The following COL10A1 variants were observed in gnomAD, a reference collection of about 807,000 sequenced individuals.
The protein encoded by COL10A1 is collagen alpha-1(X) chain.
Under a neutral mutation model 18.2 loss-of-function variants are expected in COL10A1, and 10 were observed. The ratio of observed to expected loss-of-function variants is 0.55; its 90% CI spans 0.34 to 0.93. COL10A1 has a LOEUF of 0.93. COL10A1 is among the 40% of genes least tolerant of loss of function. COL10A1 has a pLI of 0.02. For synonymous variants in COL10A1, 330 were observed against 316.6 expected, an observed-to-expected ratio of 1.04 and a Z score of -0.45; for missense variants, 897 against 853.5, an observed-to-expected ratio of 1.05 and a Z score of -0.64.
At chr6:116,200,389 G>A in the COL10A1 span, among the ~76,000 whole-genome samples, 1 of 151,968 alleles carries the variant, frequency 6.6e-6, no homozygotes, top group Non-Finnish European at 1.5e-5. Context: ...TCTAAATGAA[G>A]TGAGGACTTT....
chr6:116,185,014 C>G, the COL10A1 span, among the ~76,000 whole-genome samples: 1 of 151,822 alleles, frequency 6.6e-6, no homozygotes, highest in South Asian at 2.1e-4. Flanking sequence ...GTGAACTTCC[C>G]TCTTAGCACT....
the COL10A1 span, among the ~76,000 whole-genome samples, chr6:116,215,429 G>A: frequency 1.3e-5 from 2 of 152,136 alleles, no homozygotes; most frequent in Non-Finnish European, 2.9e-5. Flanking sequence ...GTATGGCTGA[G>A]CTTTCAACCT....
the COL10A1 span, among the ~76,000 whole-genome samples, chr6:116,215,782 G>T: frequency 2.0e-5 from 3 of 152,078 alleles, no homozygotes; most frequent in Non-Finnish European, 4.4e-5. Flanking sequence ...AATATGGCGT[G>T]GTGGGATTGT....
chr6:116,177,197 C>T, the COL10A1 span, among the ~76,000 whole-genome samples: 1 of 152,288 alleles, frequency 6.6e-6, no homozygotes, highest in African/African-American at 2.4e-5. Context: ...AACAAATTCT[C>T]AATACAAATA....
At chr6:116,182,800 G>A in the COL10A1 span, among the ~76,000 whole-genome samples, 3 of 152,024 alleles carry the variant, frequency 2.0e-5, no homozygotes, top group Admixed American at 1.3e-4. Context: ...TTTGTTGGAT[G>A]TATAGATTGT....
At chr6:116,135,677 T>C (rs1339966976) in intron 1 of COL10A1, among the ~76,000 whole-genome samples, 1 of 151,348 alleles carries the variant, frequency 6.6e-6, no homozygotes, top group Non-Finnish European at 1.5e-5. Flanking sequence ...TTTCCTGATA[T>C]ATATGCTGCT....
upstream of COL10A1, among the ~76,000 whole-genome samples, chr6:116,127,887 A>G (rs886208698): frequency 3.3e-5 from 5 of 152,120 alleles, no homozygotes; most frequent in African/African-American, 7.2e-5. Context: ...ATCTGTGGCT[A>G]TTGCAACAAT....
At chr6:116,126,449 G>A (rs145880900), upstream of COL10A1, among the ~76,000 whole-genome samples, 628 of 152,144 alleles carry the variant, frequency 4.1e-3, 4 homozygotes, top group African/African-American at 0.014. Flanking sequence ...TTTTTGAAAA[G>A]CACATTCTTA....
At chr6:116,198,262 A>G in the COL10A1 span, among the ~76,000 whole-genome samples, 8 of 152,046 alleles carry the variant, frequency 5.3e-5, no homozygotes, top group African/African-American at 1.7e-4. Flanking sequence ...CCACGTAACT[A>G]TTCCACACAG....
At chr6:116,166,738 A>C in the COL10A1 span, among the ~76,000 whole-genome samples, 1 of 152,232 alleles carries the variant, frequency 6.6e-6, no homozygotes, top group African/African-American at 2.4e-5. Context: ...AAAGTTTCAG[A>C]GACTTTTCAT....
chr6:116,184,064 G>C, the COL10A1 span, among the ~76,000 whole-genome samples: 1 of 151,970 alleles, frequency 6.6e-6, no homozygotes, highest in Admixed American at 6.6e-5. Context: ...ATTACCTTGA[G>C]GTATGTCCCT....
chr6:116,132,216 A>G (rs1423770841), intron 1 of COL10A1, among the ~76,000 whole-genome samples: 3 of 152,176 alleles, frequency 2.0e-5, no homozygotes, highest in Non-Finnish European at 4.4e-5. Context: ...TCCCCTCAGC[A>G]TCACCAACAG....
At chr6:116,214,752 A>C in the COL10A1 span, among the ~76,000 whole-genome samples, 1 of 152,144 alleles carries the variant, frequency 6.6e-6, no homozygotes, top group Non-Finnish European at 1.5e-5. Flanking sequence ...ACACTGTGGA[A>C]ATGGGTGTTC....
At chr6:116,139,065 C>G (rs1246751258) in intron 1 of COL10A1, among the ~76,000 whole-genome samples, 1 of 151,774 alleles carries the variant, frequency 6.6e-6, no homozygotes, top group Non-Finnish European at 1.5e-5. Context: ...AATAGTGCAA[C>G]TACAAAAAAA....
rs1562124023 is a variant in COL10A1 at position 116,121,253 on chromosome 6, C to G, written c.863G>C (p.Gly288Ala). 5 of 1,613,896 alleles carry G rather than the reference C, an allele frequency of 3.1e-6. No homozygotes were observed. Among genetic ancestry groups the G allele is most frequent in the South Asian group, 1.1e-5 (1 of 91,052 alleles). The change falls in exon 3 of 3, where the codon GGA (glycine) becomes GCA (alanine). Residue 288 changes from glycine to alanine, a missense_variant. Coordinates refer to ENST00000651968, the MANE Select transcript of COL10A1 (RefSeq NM_000493.4). ...AGGAGGCCCTGGGGGCCCAGCTATT[C>G]CTGGAGCCCCAGGGAGACCTTTTGT... is the stretch of plus-strand genomic sequence containing the variant. ...PGTKGLPGAP[G>A]IAGPPGPPGF...
At chr6:116,141,164 A>T (rs1237170144) in intron 1 of COL10A1, among the ~76,000 whole-genome samples, 1 of 152,040 alleles carries the variant, frequency 6.6e-6, no homozygotes, top group African/African-American at 2.4e-5. Context: ...TATGATACTG[A>T]TTCGAATGAT....
chr6:116,158,186 A>G (rs933604538), intron 1 of COL10A1, among the ~76,000 whole-genome samples: 1 of 152,128 alleles, frequency 6.6e-6, no homozygotes, highest in Non-Finnish European at 1.5e-5. Flanking sequence ...AATACTGGTT[A>G]TCTGTCATTG....
At chr6:116,157,024 C>T (rs6910311) in intron 1 of COL10A1, among the ~76,000 whole-genome samples, 78,211 of 151,910 alleles carry the variant, frequency 0.51, 21,234 homozygotes, top group African/African-American at 0.69. Context: ...TGCCTAAGTG[C>T]GTTCACTTCA....
the COL10A1 span, among the ~76,000 whole-genome samples, chr6:116,202,575 T>A: frequency 6.6e-6 from 1 of 152,022 alleles, no homozygotes; most frequent in African/African-American, 2.4e-5. Context: ...AATCTGTTAA[T>A]TTGATGCCTG....
Sources: allele counts gnomAD v4.1 joint callset (sites outside exome capture counted in the v4.1 genomes callset), GRCh38; gene constraint gnomAD v4.1.1; transcripts MANE v1.5; gene names NCBI Gene and HGNC (gene_info 2026-07-23, HGNC 2026-07-21).